DGKK: variants seen among roughly 807,000 people sequenced by gnomAD.
The protein encoded by DGKK is diacylglycerol kinase kappa, also known as 142 kDa diacylglycerol kinase.
Under a neutral mutation model 92.2 loss-of-function variants are expected in DGKK, and 35 were observed. The observed-to-expected ratio is 0.38, with a 90% CI of 0.29 to 0.50. DGKK has a LOEUF of 0.50. Among genes scored for constraint, DGKK ranks in the 20% least tolerant of loss-of-function variants. The pLI is 0.92. For synonymous variants in DGKK, 368 were observed against 360.6 expected, an observed-to-expected ratio of 1.02 and a Z score of -0.23; for missense variants, 910 against 992.2, an observed-to-expected ratio of 0.92 and a Z score of 1.11.
intron 17 of DGKK, among the ~76,000 whole-genome samples, chrX:50,383,462 A>C (rs5915425): frequency 5.4e-5 from 6 of 111,347 alleles, no homozygotes; most frequent in Admixed American, 2.9e-4. Context: ...TCTTAAATAA[A>C]TTATTTAAGA....
chrX:50,422,669 A>G (rs1407275327), intron 2 of DGKK, 143 bp from the exon 3 acceptor site: 4 of 347,299 alleles, frequency 1.2e-5, no homozygotes, highest in Non-Finnish European at 1.4e-5. Flanking sequence ...TCATGATCCA[A>G]TCATTTCTTT....
intron 4 of DGKK, among the ~76,000 whole-genome samples, chrX:50,411,412 C>A (rs1218064644): frequency 3.6e-5 from 4 of 112,267 alleles, no homozygotes; most frequent in African/African-American, 1.3e-4. Flanking sequence ...ATGCAACATA[C>A]ATAAATCAAT....
chrX:50,393,529 G>A (rs1426095993), intron 8 of DGKK, among the ~76,000 whole-genome samples, 194 bp from the exon 9 acceptor site: 2 of 111,562 alleles, frequency 1.8e-5, no homozygotes, highest in African/African-American at 6.5e-5. Flanking sequence ...TCTAGCTGTT[G>A]TCAGACAAAT....
At chrX:50,405,167 C>T (rs1392677308) in intron 4 of DGKK, among the ~76,000 whole-genome samples, 1 of 112,149 alleles carries the variant, frequency 8.9e-6, no homozygotes, top group Non-Finnish European at 1.9e-5. Flanking sequence ...TTGGTGTCCT[C>T]TTTCATGGTA....
Position 50,382,597 on chromosome X carries a change from G to A in DGKK, c.2556C>T (p.Phe852=). 1 of 1,197,950 alleles carries A rather than the reference G, an allele frequency of 8.3e-7. No homozygotes were observed. The highest frequency in any genetic ancestry group is 3.0e-5 in the East Asian group (1 of 33,687). Reference sequence around the variant, plus strand: ...AGTTGTTCATGACACATTTTTCTTTGAAGCGTCTGAAATTATTCAAAGAAG... The same window carrying A: ...AGTTGTTCATGACACATTTTTCTTTAAAGCGTCTGAAATTATTCAAAGAAG... ...HLHFTPESIR[F]KEKCVMNNYF... Residue 852 remains phenylalanine (F), a synonymous_variant, in exon 18 of 28, where the codon TTC becomes TTT. Coordinates refer to ENST00000611977, the MANE Select transcript of DGKK (RefSeq NM_001013742.4).
chrX:50,392,360 G>A lies in DGKK; in HGVS notation c.1685C>T (p.Ala562Val). The stretch of plus-strand genomic sequence containing the variant: ...ACTTACCTTTTCATGTAATCCAAAG[G>A]CATCAATCAGAGATAAGACCCAGCT... ...SVSWVLSLID[A>V]FGLHEKCQLA... The change falls in exon 10 of 28, where the codon GCC (alanine) becomes GTC (valine). Residue 562 changes from alanine to valine, a missense_variant. Physicochemically the swap from Ala to Val is moderately conservative, Grantham distance 64. Transcript: ENST00000611977. 8.3e-7 allele frequency: 1 copy of A among 1,207,420 alleles called. No individual in the cohort carries two copies. Among genetic ancestry groups the A allele is most frequent in the Non-Finnish European group, 1.1e-6 (1 of 891,438 alleles).
Position 50,369,029 on chromosome X carries a change from A to C in DGKK, c.3737-10T>G, listed in dbSNP as rs1924045196. The C allele has an allele frequency of 1.7e-6, 2 of 1,172,680 alleles. No homozygotes were observed. Among genetic ancestry groups the C allele is most frequent in the African/African-American group, 1.8e-5 (1 of 56,788 alleles). On this transcript the variant is annotated splice_polypyrimidine_tract_variant and intron_variant, in intron 27 of 27. Coordinates refer to ENST00000611977, the MANE Select transcript of DGKK (RefSeq NM_001013742.4). The stretch of plus-strand genomic sequence containing the variant: ...CGGTGCCATAAATTGCCTTCAGAGG[A>C]AAAAAAATGGTATAGAAATAATGAG...
chrX:50,426,872 C>G (rs1048097595), intron 1 of DGKK, among the ~76,000 whole-genome samples: 1 of 112,053 alleles, frequency 8.9e-6, no homozygotes, highest in East Asian at 2.8e-4. Context: ...GAATATGGAG[C>G]AACAGGAACT....
At chrX:50,398,742 C>T (rs1238841034) in intron 8 of DGKK, among the ~76,000 whole-genome samples, 1 of 111,782 alleles carries the variant, frequency 8.9e-6, no homozygotes, top group African/African-American at 3.2e-5. Context: ...AAAGGAGAGG[C>T]GGCAACCCTC....
At chrX:50,466,017 CTTTTTTTTTTTTTT>C (rs72090197) in intron 1 of DGKK, among the ~76,000 whole-genome samples, 1 of 42,793 alleles carries the variant, frequency 2.3e-5, no homozygotes, top group Non-Finnish European at 3.8e-5. Flanking sequence ...TTTCTTTTTT[CTTTTTTTTTTTTTT>C]TTTTTTTTTT....
intron 4 of DGKK, among the ~76,000 whole-genome samples, chrX:50,409,892 C>T (rs1327963548): frequency 1.8e-5 from 2 of 111,153 alleles, no homozygotes; most frequent in Non-Finnish European, 3.8e-5. Context: ...CATCTCAGTC[C>T]CTTTTCCACC....
chrX:50,371,808 T>G lies in DGKK; in HGVS notation c.3528A>C (p.Ala1176=). The G allele has an allele frequency of 8.3e-7, 1 of 1,203,201 alleles. No homozygotes were observed. The highest frequency in any genetic ancestry group is 1.1e-6 in the Non-Finnish European group (1 of 889,214). ...KLLRSAEDET[A]LQSALDAMNK... is the part of the protein sequence containing the mutation. ...TCATGGCATCCAGGGCGCTTTGTAG[T>G]GCAGTCTCATCCTCAGCACTTCTCA... The change falls in exon 26 of 28, where the codon GCA becomes GCC. Residue 1176 remains alanine, a synonymous_variant. Transcript: ENST00000611977.
chrX:50,390,283 G>C, intron 12 of DGKK, 45 bp downstream of exon 12: 2 of 1,140,774 alleles, frequency 1.8e-6, no homozygotes, highest in Non-Finnish European at 2.4e-6. Flanking sequence ...TTATTTCACT[G>C]AGTAATAAAG....
chrX:50,410,402 A>T (rs957878807), intron 4 of DGKK, among the ~76,000 whole-genome samples: 1 of 112,311 alleles, frequency 8.9e-6, no homozygotes, highest in Non-Finnish European at 1.9e-5. Flanking sequence ...AGTGGCAAAG[A>T]ACTTGCCTGA....
intron 22 of DGKK, among the ~76,000 whole-genome samples, 194 bp from the exon 23 acceptor site, chrX:50,377,112 A>G (rs1328921688): frequency 2.7e-5 from 3 of 111,466 alleles, no homozygotes; most frequent in Non-Finnish European, 5.7e-5. Context: ...ATTTTATTCA[A>G]TCTCTTCTGG....
rs1373074082 is a variant in DGKK, at chrX:50,367,659, A to G, written c.*1281T>C. On this transcript the variant is annotated 3_prime_UTR_variant, in exon 28 of 28. Transcript: ENST00000611977. Reference sequence around the variant, plus strand: ...TTGTCAGGCAGTCCCTAGTTCAGGCATCTAAGTCACAGAGCTCAAGGCCTG... The same window carrying G: ...TTGTCAGGCAGTCCCTAGTTCAGGCGTCTAAGTCACAGAGCTCAAGGCCTG... 1 of 111,714 alleles carries G rather than the reference A, an allele frequency of 9.0e-6. No homozygotes were observed. The highest frequency in any genetic ancestry group is 2.8e-4 in the East Asian group (1 of 3,543). The allele number at this position is 111,714 out of a possible 1,213,427, so 9.2% of individuals were successfully genotyped here.
At chrX:50,464,385 C>T (rs968400846) in intron 1 of DGKK, among the ~76,000 whole-genome samples, 8 of 109,771 alleles carry the variant, frequency 7.3e-5, no homozygotes, top group African/African-American at 2.3e-4. Context: ...CCGCACCCCC[C>T]GCGCCCCTGC....
chrX:50,416,640 G>A (rs1252487801), intron 4 of DGKK, among the ~76,000 whole-genome samples: 2 of 111,844 alleles, frequency 1.8e-5, no homozygotes, highest in African/African-American at 6.5e-5. Flanking sequence ...ACAGAAGAGT[G>A]TTAGGGCCTC....
chrX:50,442,964 A>G (rs1926203244), intron 1 of DGKK, among the ~76,000 whole-genome samples: 1 of 111,572 alleles, frequency 9.0e-6, no homozygotes, highest in African/African-American at 3.3e-5. Flanking sequence ...GGCTTCTCCA[A>G]CATGGCCACT....
Sources: allele counts gnomAD v4.1 joint callset (sites outside exome capture counted in the v4.1 genomes callset), GRCh38; gene constraint gnomAD v4.1.1; transcripts MANE v1.5; gene names NCBI Gene and HGNC (gene_info 2026-07-23, HGNC 2026-07-21).